Variants in MSH5 observed in about 807,000 individuals in gnomAD.
MSH5 encodes mutS homolog 5.
A neutral mutation model predicts 107.7 loss-of-function variants in MSH5; 78 were observed. That is an observed-to-expected ratio of 0.72 (90% confidence interval 0.60 to 0.87). The LOEUF is 0.87. Ranked by LOEUF, MSH5 falls within the 40% of genes least tolerant of loss-of-function variation. The pLI is 0.00. For synonymous variants in MSH5, 326 were observed against 399.5 expected (o/e 0.82, Z 2.19); for missense variants, 889 against 1,046.6 (o/e 0.85, Z 2.08).
At chr6:31,743,815 ATC>A in intron 5 of MSH5, 87 bp from the exon 6 acceptor site, 3 of 1,535,816 alleles carry the variant, frequency 2.0e-6, no homozygotes, top group Non-Finnish European at 2.6e-6. Flanking sequence ...AAGTCAAATA[ATC>A]TCTCTTGCTT....
chr6:31,752,065 C>T (rs1180007608), intron 10 of MSH5, among the ~76,000 whole-genome samples: 1 of 152,082 alleles, frequency 6.6e-6, no homozygotes, highest in Non-Finnish European at 1.5e-5. Flanking sequence ...CGCCACTGTA[C>T]CCTAGCCTGG....
Position 31,760,311 on chromosome 6 carries a change from C to G in MSH5, c.1812+95C>G, listed in dbSNP as rs975167410. ...ACTCAGGCTCCTGCAGCTCTTCTCC[C>G]ATTTTCTGACCCCGCTCTTCATGAA... On this transcript the variant is annotated intron_variant, in intron 19 of 24. Transcript: ENST00000375750. This position sits in a 1 kb window ranked among gnomAD's most constrained non-coding sequence, Gnocchi z 5.6. 2.1e-6 allele frequency: 3 copies of G among 1,460,806 alleles called. No individual in the cohort carries two copies. In the African/African-American group the frequency reaches 4.2e-5, roughly 21 times the overall value. 90.5% of individuals were successfully genotyped at this position (1,460,806 alleles called of 1,614,324 possible).
At chr6:31,752,444 C>T (rs936737951) in intron 10 of MSH5, among the ~76,000 whole-genome samples, 2 of 151,560 alleles carry the variant, frequency 1.3e-5, no homozygotes, top group African/African-American at 2.4e-5. Flanking sequence ...CACTATTGGC[C>T]GGGTATGGTG....
intron 12 of MSH5, among the ~76,000 whole-genome samples, chr6:31,755,048 G>A (rs964010594): frequency 2.0e-5 from 3 of 151,982 alleles, no homozygotes; most frequent in Non-Finnish European, 2.9e-5. Flanking sequence ...CACCTCACCC[G>A]GCCAATATTT....
intron 10 of MSH5, among the ~76,000 whole-genome samples, chr6:31,750,928 G>A (rs990824184): frequency 6.6e-6 from 1 of 152,164 alleles, no homozygotes; most frequent in South Asian, 2.1e-4. Flanking sequence ...CACTCTCATG[G>A]CCAATAAGTA....
In MSH5 at chr6:31,762,149, C is replaced by T; in HGVS notation, c.2357C>T (p.Pro786Leu). 1 of 1,614,180 alleles carries T rather than the reference C, an allele frequency of 6.2e-7. No individual in the cohort carries two copies. Reference protein sequence around the residue: ...DLIRSGKPIKPVKDLLKKNQM... With the variant: ...DLIRSGKPIKLVKDLLKKNQM... ...ATCCGCAGTGGAAAACCCATCAAGC[C>T]TGTCAAGGATTTGCTAAAGAAGAAC... The change falls in exon 24 of 25, where the codon CCT (proline) becomes CTT (leucine). Residue 786 changes from proline (P) to leucine (L), a missense_variant. Physicochemically the swap from Pro to Leu is moderately conservative, Grantham distance 98 (BLOSUM62 -3). Around this residue, in one of 3 missense-constraint regions of MSH5, gnomAD observed 362 missense variants for 456.2 expected, o/e 0.79. Coordinates refer to ENST00000375750, the MANE Select transcript of MSH5 (RefSeq NM_172166.4).
chr6:31,751,194 C>T (rs1289113847), intron 10 of MSH5, among the ~76,000 whole-genome samples: 1 of 152,068 alleles, frequency 6.6e-6, no homozygotes, highest in Non-Finnish European at 1.5e-5. Flanking sequence ...GACGGGGTTT[C>T]ACCGCGTTAG....
rs1811123262 is a variant in MSH5 at position 31,762,593 on chromosome 6, T to C, written c.*62T>C. The stretch of plus-strand genomic sequence containing the variant: ...CCGGTGGGCTGCCATGCCCTCTTTG[T>C]TTCCTTATCTCCCTCAGACGCAGAG... On this transcript the variant is annotated 3_prime_UTR_variant, in exon 25 of 25. Transcript: ENST00000375750. 3.0e-6 allele frequency: 3 copies of C among 987,922 alleles called. No homozygotes were observed. The highest frequency in any genetic ancestry group is 4.8e-6 in the Non-Finnish European group (3 of 628,698). 61.2% of individuals were successfully genotyped at this position (987,922 alleles called of 1,614,324 possible). A position where few individuals can be genotyped will look rare whatever the true frequency, so the allele number is the denominator to read the frequency against.
chr6:31,743,468 C>A, intron 5 of MSH5: 1 of 506,704 alleles, frequency 2.0e-6, no homozygotes, highest in Non-Finnish European at 3.5e-6. Flanking sequence ...AAGTTAAAGC[C>A]TTTTATCACC....
chr6:31,750,530 A>G (rs1259660482), intron 10 of MSH5, among the ~76,000 whole-genome samples: 3 of 152,192 alleles, frequency 2.0e-5, no homozygotes, highest in Admixed American at 1.3e-4. Flanking sequence ...TCATTTTCTC[A>G]GTTGTTAAAT....
At chr6:31,745,342 C>T (rs781117758) in intron 9 of MSH5, 23 bp downstream of exon 9, 1 of 1,556,332 alleles carries the variant, frequency 6.4e-7, no homozygotes, top group African/African-American at 1.4e-5. Flanking sequence ...CATCCCTCAT[C>T]TCACATTACA....
intron 10 of MSH5, among the ~76,000 whole-genome samples, chr6:31,753,070 C>A (rs1438589641): frequency 6.6e-6 from 1 of 152,204 alleles, no homozygotes; most frequent in East Asian, 1.9e-4. Context: ...CGGTCTTATC[C>A]GTTGAAACTG....
At position 31,743,510 on chromosome 6, in the gene MSH5, T is replaced by C. The variant is rs762699993; in HGVS notation, c.415+340T>C. The stretch of plus-strand genomic sequence containing the variant: ...AAAGGCACTGCCTCAGTGACCCTTA[T>C]TATGATCCATAAGGCACTTCTATAA... On this transcript the variant is annotated intron_variant, in intron 5 of 24. Transcript: ENST00000375750. 122 of 468,984 alleles carry C rather than the reference T, an allele frequency of 2.6e-4. 1 individual carries two copies. Among genetic ancestry groups the C allele is most frequent in the Admixed American group, 3.9e-4 (10 of 25,914 alleles). The allele number at this position is 468,984 out of a possible 1,614,324, so 29.1% of individuals were successfully genotyped here.
chr6:31,741,083 G>T (rs1808824796), intron 2 of MSH5, 80 bp from the exon 3 acceptor site: 2 of 1,527,874 alleles, frequency 1.3e-6, no homozygotes, highest in African/African-American at 1.4e-5. Flanking sequence ...TTGAGAAAAT[G>T]ATTAAATTAT....
chr6:31,741,437 G>A (rs1230651157), intron 3 of MSH5, 151 bp downstream of exon 3: 3 of 1,093,750 alleles, frequency 2.7e-6, no homozygotes, highest in Non-Finnish European at 3.8e-6. Context: ...CAAGTGCAGT[G>A]GCGCAATCTT....
intron 10 of MSH5, among the ~76,000 whole-genome samples, chr6:31,751,954 C>T (rs1202909428): frequency 6.6e-6 from 1 of 151,798 alleles, no homozygotes; most frequent in Non-Finnish European, 1.5e-5. Flanking sequence ...CAAAATTTAG[C>T]TGGGCATGGT....
At chr6:31,744,448 G>A in intron 7 of MSH5, 98 bp from the exon 8 acceptor site, 3 of 1,556,988 alleles carry the variant, frequency 1.9e-6, no homozygotes, top group South Asian at 1.1e-5. Context: ...TGAGACTTTG[G>A]GAAGAAGACT....
At chr6:31,756,442 G>C (rs805826) in intron 12 of MSH5, 59,828 of 151,884 alleles carry the variant, frequency 0.39, 13,740 homozygotes, top group African/African-American at 0.64. Context: ...AAAGTGCTGG[G>C]ATTACAGGCG....
In MSH5 at chr6:31,759,571, G is replaced by T; in HGVS notation, c.1495+59G>T. ...GATGTTTAAAAAAAGCAGCAGCCAG[G>T]GGAAGGAGGGGAGTGGGCAACTTGG... On this transcript the variant is annotated intron_variant, in intron 17 of 24. Transcript: ENST00000375750. This position sits in a 1 kb window ranked among gnomAD's most constrained non-coding sequence, Gnocchi z 4.7. 1 of 1,582,366 alleles carries T rather than the reference G, an allele frequency of 6.3e-7. No homozygotes were observed. Among genetic ancestry groups the T allele is most frequent in the African/African-American group, 1.3e-5 (1 of 74,340 alleles).
Sources: gnomAD v4.1 joint callset for allele counts (sites outside exome capture counted in the v4.1 genomes callset) on GRCh38, gnomAD v4.1.1 for gene constraint, gnomAD v4.1.1 regional missense constraint, Gnocchi (gnomAD v3.1) non-coding constraint, MANE v1.5 for transcripts, NCBI Gene and HGNC (gene_info 2026-07-23, HGNC 2026-07-21) for gene names.